The following HIVEP2 variants were observed in gnomAD, a reference collection of about 807,000 sequenced individuals.
HIVEP2 encodes the protein HIVEP zinc finger 2, also known as transcription factor HIVEP2.
In HIVEP2, 14 loss-of-function variants were observed where a neutral mutation model predicts 180.7. The observed-to-expected ratio is 0.08, with a 90% CI of 0.05 to 0.12. The LOEUF is 0.12. Among genes scored for constraint, HIVEP2 ranks in the 10% least tolerant of loss-of-function variants. The probability of loss-of-function intolerance (pLI) is 1.00; values close to 1 mark genes in which losing one functional copy is unlikely to be tolerated. For missense variants in HIVEP2, 2,579 were observed against 3,008.5 expected, an observed-to-expected ratio of 0.86 and a Z score of 3.34; for synonymous variants, 1,184 against 1,136.4, an observed-to-expected ratio of 1.04 and a Z score of -0.84.
intron 2 of HIVEP2, among the ~76,000 whole-genome samples, chr6:142,823,229 T>C (rs2142939): frequency 0.8 from 121,242 of 152,108 alleles, 48,834 homozygotes; most frequent in Non-Finnish European, 0.86. Flanking sequence ...GGGGTCCTTG[T>C]CATGGGTCCC....
intron 1 of HIVEP2, among the ~76,000 whole-genome samples, chr6:142,904,829 A>G (rs1777223156): frequency 6.6e-6 from 1 of 152,152 alleles, no homozygotes; most frequent in Non-Finnish European, 1.5e-5. Flanking sequence ...TAGTCTTTCT[A>G]CTTGTATCAG....
At chr6:142,865,351 C>T (rs1172795620) in intron 1 of HIVEP2, among the ~76,000 whole-genome samples, 1 of 151,046 alleles carries the variant, frequency 6.6e-6, no homozygotes, top group Non-Finnish European at 1.5e-5. Context: ...GAGTGAAAGA[C>T]ATAAAAATCC....
chr6:142,845,867 C>G (rs190670243), intron 1 of HIVEP2, among the ~76,000 whole-genome samples: 1 of 152,248 alleles, frequency 6.6e-6, no homozygotes, highest in South Asian at 2.1e-4. Context: ...GGTGCAAACT[C>G]GTCTTCCGCA....
chr6:142,885,377 A>G (rs1444545536), intron 1 of HIVEP2, among the ~76,000 whole-genome samples: 2 of 151,790 alleles, frequency 1.3e-5, no homozygotes, highest in African/African-American at 4.8e-5. Flanking sequence ...CTGGAGAATA[A>G]TATCACTCTG....
At chr6:142,849,103 C>T (rs767256255) in intron 1 of HIVEP2, among the ~76,000 whole-genome samples, 1 of 152,172 alleles carries the variant, frequency 6.6e-6, no homozygotes, top group Non-Finnish European at 1.5e-5. Flanking sequence ...TTACCATGCA[C>T]CTATCACACA....
At chr6:142,848,280 G>A (rs1775565535) in intron 1 of HIVEP2, among the ~76,000 whole-genome samples, 1 of 152,184 alleles carries the variant, frequency 6.6e-6, no homozygotes, top group South Asian at 2.1e-4. Context: ...ATGGGGGAAG[G>A]TATCACTTCT....
At chr6:142,857,130 T>A (rs1029299850) in intron 1 of HIVEP2, among the ~76,000 whole-genome samples, 1 of 151,882 alleles carries the variant, frequency 6.6e-6, no homozygotes, top group Non-Finnish European at 1.5e-5. Flanking sequence ...ATGACTTCAC[T>A]GTCACCAACC....
At chr6:142,837,731 C>A (rs1775259012) in intron 1 of HIVEP2, among the ~76,000 whole-genome samples, 1 of 151,984 alleles carries the variant, frequency 6.6e-6, no homozygotes, top group Non-Finnish European at 1.5e-5. Flanking sequence ...CATTAAATTA[C>A]TATCTCAGCT....
chr6:142,762,336 G>A (rs988628831), intron 7 of HIVEP2, among the ~76,000 whole-genome samples: 29 of 151,966 alleles, frequency 1.9e-4, no homozygotes, highest in Admixed American at 1.6e-3. Context: ...AATTATATGT[G>A]TATATACATG....
At chr6:142,777,963 G>C (rs1775747671) in intron 3 of HIVEP2, among the ~76,000 whole-genome samples, 1 of 152,144 alleles carries the variant, frequency 6.6e-6, no homozygotes, top group African/African-American at 2.4e-5. Context: ...TGCACTTTGA[G>C]AGGGGAAAAG....
chr6:142,772,412 T>A lies in HIVEP2; in HGVS notation c.2327A>T (p.Glu776Val), dbSNP rs1775571842. Residue 776 changes from glutamate to valine, a missense_variant, in exon 5 of 10, where the codon GAG (glutamate) becomes GTG (valine). Glu to Val is a moderately radical substitution (Grantham distance 121). Around this residue, in one of 11 missense-constraint regions of HIVEP2, gnomAD observed 524 missense variants for 563.6 expected, o/e 0.93. Coordinates refer to ENST00000367603, the MANE Select transcript of HIVEP2 (RefSeq NM_006734.4). This position sits in a 1 kb window ranked among gnomAD's most constrained non-coding sequence, Gnocchi z 4.9. ...QPGSPSLVSEESPSAIDSDKM... is the reference protein window; with the variant it reads ...QPGSPSLVSEVSPSAIDSDKM... Reference sequence around the variant, plus strand: ...GTCTGAATCAATGGCTGAAGGTGACTCCTCTGACACAAGAGATGGACTTCC... The same window carrying A: ...GTCTGAATCAATGGCTGAAGGTGACACCTCTGACACAAGAGATGGACTTCC... 1 of 1,614,094 alleles carries A rather than the reference T, an allele frequency of 6.2e-7. No homozygotes were observed. The highest frequency in any genetic ancestry group is 1.1e-5 in the South Asian group (1 of 91,088).
Position 142,772,826 on chromosome 6 carries a change from T to A in HIVEP2, c.1913A>T (p.Tyr638Phe), listed in dbSNP as rs745452954. 1 of 1,614,238 alleles carries A rather than the reference T, an allele frequency of 6.2e-7. No individual in the cohort carries two copies. The highest frequency in any genetic ancestry group is 1.1e-5 in the South Asian group (1 of 91,090). ...CTTATAGGGTTTCCGACAGACATCA[T>A]AGTCATACCCAACCCTGTCCCCAGG... ...LSPGDRVGYD[Y>F]DVCRKPYKKW... Residue 638 changes from tyrosine to phenylalanine, a missense_variant, in exon 5 of 10, where the codon TAT becomes TTT. This residue lies in a region of HIVEP2 where 524 missense variants were observed against 563.6 expected (regional missense o/e 0.93). Coordinates refer to ENST00000367603, the MANE Select transcript of HIVEP2 (RefSeq NM_006734.4). This position sits in a 1 kb window ranked among gnomAD's most constrained non-coding sequence, Gnocchi z 4.9.
chr6:142,894,873 G>A (rs6925599), intron 1 of HIVEP2, among the ~76,000 whole-genome samples: 13,848 of 152,152 alleles, frequency 0.091, 1,830 homozygotes, highest in African/African-American at 0.29. Context: ...CTGATAATAT[G>A]CCAGACACTG....
At chr6:142,894,268 C>A (rs868470411) in intron 1 of HIVEP2, among the ~76,000 whole-genome samples, 2 of 152,196 alleles carry the variant, frequency 1.3e-5, no homozygotes, top group Middle Eastern at 6.8e-3. Flanking sequence ...ATATTATTAG[C>A]CTCTCCTTCT....
chr6:142,928,967 C>T (rs1422702163), intron 1 of HIVEP2, among the ~76,000 whole-genome samples: 5 of 152,208 alleles, frequency 3.3e-5, no homozygotes. Context: ...TGATTCTTGA[C>T]TGTAAATGTG....
rs1477163680 is a variant in HIVEP2 at position 142,770,825 on chromosome 6, G to A, written c.3914C>T (p.Ser1305Leu). The change falls in exon 5 of 10, where the codon TCA becomes TTA. Residue 1305 changes from serine (S) to leucine (L), a missense_variant. Physicochemically the swap from Ser to Leu is moderately radical, Grantham distance 145. Around this residue, in one of 11 missense-constraint regions of HIVEP2, gnomAD observed 523 missense variants for 577.0 expected, o/e 0.91. Transcript: ENST00000367603. The surrounding 1 kb of genome is among the most constrained non-coding windows in gnomAD (Gnocchi z 4.7). ...AACCTGCTCAGAGGGCGTTTCAGTT[G>A]ACTTACTGCTCTGGTCTGATGGAAA... Reference protein sequence around the residue: ...PKFPSDQSSKSTETPSEQVLQ... With the variant: ...PKFPSDQSSKLTETPSEQVLQ... The A allele has an allele frequency of 6.2e-7, 1 of 1,614,204 alleles. No individual in the cohort carries two copies. The highest frequency in any genetic ancestry group is 8.5e-7 in the Non-Finnish European group (1 of 1,180,038).
chr6:142,893,360 T>A (rs1487524567), intron 1 of HIVEP2, among the ~76,000 whole-genome samples: 1 of 152,224 alleles, frequency 6.6e-6, no homozygotes, highest in Non-Finnish European at 1.5e-5. Flanking sequence ...GTTGCATTAG[T>A]ATTCCTAATG....
intron 1 of HIVEP2, among the ~76,000 whole-genome samples, chr6:142,870,479 C>A (rs987627710): frequency 6.6e-6 from 1 of 152,154 alleles, no homozygotes; most frequent in Non-Finnish European, 1.5e-5. Context: ...CTTTCTCTGA[C>A]GTCCCATGAG....
chr6:142,842,402 G>A (rs756323478), intron 1 of HIVEP2, among the ~76,000 whole-genome samples: 12 of 152,008 alleles, frequency 7.9e-5, no homozygotes, highest in Non-Finnish European at 1.6e-4. Context: ...TTACATAACC[G>A]ATATGGTACA....
Sources: gnomAD v4.1 joint callset for allele counts (sites outside exome capture counted in the v4.1 genomes callset) on GRCh38, gnomAD v4.1.1 for gene constraint, gnomAD v4.1.1 regional missense constraint, Gnocchi (gnomAD v3.1) non-coding constraint, MANE v1.5 for transcripts, NCBI Gene and HGNC (gene_info 2026-07-23, HGNC 2026-07-21) for gene names.